The following TUSC3 variants were observed in gnomAD, a reference collection of about 807,000 sequenced individuals.
The protein encoded by TUSC3 is tumor suppressor candidate 3.
Under a neutral mutation model 44.8 loss-of-function variants are expected in TUSC3, and 45 were observed. The observed-to-expected ratio is 1.00, with a 90% confidence interval of 0.79 to 1.29. TUSC3 has a LOEUF of 1.29. Among genes scored for constraint, TUSC3 ranks in the 50% most tolerant of loss-of-function variants. TUSC3 has a pLI of 0.00. For missense variants in TUSC3, 519 were observed against 437.9 expected (o/e 1.19, Z -1.65); for synonymous variants, 212 against 152.9 (o/e 1.39, Z -2.85).
At chr8:15,556,512 T>A (rs150965774) in intron 1 of TUSC3, among the ~76,000 whole-genome samples, 4,721 of 150,992 alleles carry the variant, frequency 0.031, 302 homozygotes, top group East Asian at 0.23. Flanking sequence ...CCTTTGGGTA[T>A]ATACCCAGTA....
intron 1 of TUSC3, among the ~76,000 whole-genome samples, chr8:15,611,645 A>T (rs1804765537): frequency 6.6e-6 from 1 of 152,052 alleles, no homozygotes; most frequent in Non-Finnish European, 1.5e-5. Context: ...TATATTTCTG[A>T]TAAAAATGGT....
intron 2 of TUSC3, among the ~76,000 whole-genome samples, chr8:15,649,845 T>A (rs1585192711): frequency 6.6e-6 from 1 of 152,282 alleles, no homozygotes; most frequent in African/African-American, 2.4e-5. Flanking sequence ...TTTCTTTATT[T>A]TCATTTTGGG....
intron 6 of TUSC3, among the ~76,000 whole-genome samples, chr8:15,681,985 T>G (rs190114300): frequency 9.2e-5 from 14 of 152,290 alleles, no homozygotes. Flanking sequence ...AGATTTCCTC[T>G]TGATATTAAT....
At chr8:15,623,754 T>A (rs73665459) in intron 2 of TUSC3, among the ~76,000 whole-genome samples, 6,547 of 152,192 alleles carry the variant, frequency 0.043, 233 homozygotes, top group African/African-American at 0.095. Context: ...TCCAAAAGTA[T>A]ACAACAAACA....
At chr8:15,532,022 A>T (rs891615505) in intron 2 of TUSC3, among the ~76,000 whole-genome samples, 2 of 152,198 alleles carry the variant, frequency 1.3e-5, no homozygotes, top group Non-Finnish European at 2.9e-5. Context: ...CTGGCTTCTT[A>T]ATTATATGGC....
chr8:15,792,299 T>C, the TUSC3 span, among the ~76,000 whole-genome samples: 1 of 152,198 alleles, frequency 6.6e-6, no homozygotes, highest in Admixed American at 6.5e-5. Flanking sequence ...CAAAGACAAC[T>C]AAGTCAACAA....
intron 1 of TUSC3, among the ~76,000 whole-genome samples, chr8:15,617,120 A>ATGTGTGTGTGTG (rs143444660): frequency 0.15 from 18,474 of 123,358 alleles, 1,370 homozygotes; most frequent in African/African-American, 0.19. Context: ...TATCTGTAAA[A>ATGTGTGTGTGTG]TGTGTGTGTG....
At position 15,505,403 on chromosome 8, in the gene TUSC3, C is replaced by T. The variant is rs28517830; in HGVS notation, n.189+21920C>T. Among the ~76,000 whole-genome samples, 1,440 of 152,306 alleles carry T rather than the reference C, an allele frequency of 9.5e-3. 22 individuals are homozygous for T. Among genetic ancestry groups the T allele is most frequent in the African/African-American group, 0.033 (1,362 of 41,566 alleles). ...CAGGTTTGTACTTAATGTACTATGT[C>T]TATTCCTTTTTCAGTTAATTTGAGT... On this transcript the variant is annotated intron_variant and non_coding_transcript_variant, in intron 2 of 5. Transcript: ENST00000503191.
At chr8:15,692,358 C>A (rs1319880194) in intron 6 of TUSC3, among the ~76,000 whole-genome samples, 1 of 4,124 alleles carries the variant, frequency 2.4e-4, no homozygotes, top group African/African-American at 8.2e-4. Context: ...TGGGAGGAGA[C>A]CCCCCCCCCC....
chr8:15,553,705 G>A (rs976929032), intron 1 of TUSC3, among the ~76,000 whole-genome samples: 1 of 151,686 alleles, frequency 6.6e-6, no homozygotes, highest in Admixed American at 6.6e-5. Context: ...AGGAAGTGGA[G>A]GCAGCCAACA....
chr8:15,575,651 C>G (rs1055599410), intron 1 of TUSC3, among the ~76,000 whole-genome samples: 6 of 151,982 alleles, frequency 3.9e-5, no homozygotes, highest in Non-Finnish European at 8.8e-5. Context: ...TCTATAATGC[C>G]AGGTACTCCG....
At chr8:15,573,186 C>T (rs1802948087) in intron 1 of TUSC3, among the ~76,000 whole-genome samples, 1 of 90,296 alleles carries the variant, frequency 1.1e-5, no homozygotes, top group African/African-American at 4.5e-5. Context: ...CTCTCTCTCT[C>T]TCTCTCTCTC....
At chr8:15,620,443 T>C (rs1476298054) in intron 1 of TUSC3, among the ~76,000 whole-genome samples, 1 of 152,326 alleles carries the variant, frequency 6.6e-6, no homozygotes, top group East Asian at 1.9e-4. Context: ...TATTTTACAT[T>C]GATTTTTTTT....
chr8:15,607,683 C>A (rs1804591297), intron 1 of TUSC3, among the ~76,000 whole-genome samples: 1 of 152,118 alleles, frequency 6.6e-6, no homozygotes, highest in Non-Finnish European at 1.5e-5. Flanking sequence ...TCTTATGTAT[C>A]AGCAATCATT....
the TUSC3 span, among the ~76,000 whole-genome samples, chr8:15,819,631 G>T: frequency 6.7e-6 from 1 of 149,036 alleles, no homozygotes; most frequent in Non-Finnish European, 1.5e-5. Flanking sequence ...TCTTATACTT[G>T]TAAGTCTTTT....
intron 1 of TUSC3, among the ~76,000 whole-genome samples, chr8:15,562,647 A>C (rs1802520561): frequency 6.6e-6 from 1 of 152,018 alleles, no homozygotes; most frequent in Admixed American, 6.5e-5. Context: ...AACTCATTCA[A>C]GTTGTAGGCA....
intron 6 of TUSC3, among the ~76,000 whole-genome samples, chr8:15,711,011 G>A (rs1809822989): frequency 6.6e-6 from 1 of 151,478 alleles, no homozygotes; most frequent in Admixed American, 6.6e-5. Context: ...GGTTTCCTGA[G>A]TCTTATGTAT....
intron 1 of TUSC3, among the ~76,000 whole-genome samples, chr8:15,558,827 G>A (rs1462963277): frequency 6.7e-6 from 1 of 148,676 alleles, no homozygotes; most frequent in Non-Finnish European, 1.5e-5. Flanking sequence ...ATGGTAGTTT[G>A]TATTTCTGTG....
At chr8:15,769,085 A>C (rs75939778), downstream of TUSC3, among the ~76,000 whole-genome samples, 1,964 of 152,146 alleles carry the variant, frequency 0.013, 39 homozygotes, top group African/African-American at 0.046. Context: ...TTTAAATTTC[A>C]TGTGGAACCA....
Sources: gnomAD v4.1 joint callset for allele counts (sites outside exome capture counted in the v4.1 genomes callset) on GRCh38, gnomAD v4.1.1 for gene constraint, MANE v1.5 for transcripts, NCBI Gene and HGNC (gene_info 2026-07-23, HGNC 2026-07-21) for gene names.